LPP: variants seen among roughly 807,000 people sequenced by gnomAD.
LPP encodes the protein LIM domain containing preferred translocation partner in lipoma.
In LPP, 38 loss-of-function variants were observed where a neutral mutation model predicts 60.4. The ratio of observed to expected loss-of-function variants is 0.63; its 90% CI spans 0.49 to 0.83. The LOEUF (loss-of-function observed/expected upper bound fraction) is 0.83. LPP is among the 40% of genes least tolerant of loss of function. The pLI, the probability that LPP is intolerant of heterozygous loss-of-function variation, is 0.00. For synonymous variants in LPP, 328 were observed against 290.8 expected (o/e 1.13, Z -1.30); for missense variants, 902 against 783.6 (o/e 1.15, Z -1.80).
intron 7 of LPP, among the ~76,000 whole-genome samples, chr3:188,667,591 T>G (rs1856078019): frequency 6.6e-6 from 1 of 151,226 alleles, no homozygotes. Context: ...ATGTGGGAAC[T>G]GTGGCTTAGA....
chr3:188,313,966 A>G (rs1754301466), intron 2 of LPP, among the ~76,000 whole-genome samples: 1 of 151,864 alleles, frequency 6.6e-6, no homozygotes. Context: ...CAGTACATTG[A>G]TTTTCTGCTC....
At chr3:188,581,371 C>T (rs2150983231) in intron 6 of LPP, among the ~76,000 whole-genome samples, 1 of 152,258 alleles carries the variant, frequency 6.6e-6, no homozygotes, top group South Asian at 2.1e-4. Flanking sequence ...GCCCTGGAAA[C>T]AGAACCACAG....
chr3:188,559,427 T>C (rs1190517365), intron 6 of LPP, among the ~76,000 whole-genome samples: 1 of 152,088 alleles, frequency 6.6e-6, no homozygotes, highest in African/African-American at 2.4e-5. Context: ...AGAAACACTT[T>C]GCACATTATG....
At chr3:188,833,246 C>T (rs1757544555) in intron 9 of LPP, among the ~76,000 whole-genome samples, 1 of 152,146 alleles carries the variant, frequency 6.6e-6, no homozygotes, top group African/African-American at 2.4e-5. Context: ...GGAGACCAGC[C>T]CCAGTTTGGA....
At chr3:188,376,680 T>G (rs145390059) in intron 3 of LPP, among the ~76,000 whole-genome samples, 293 of 152,346 alleles carry the variant, frequency 1.9e-3, no homozygotes, top group African/African-American at 6.8e-3. Context: ...CTGTGTCTTT[T>G]AGTTGGAGCA....
chr3:188,638,913 T>A (rs906112934), intron 7 of LPP, among the ~76,000 whole-genome samples: 42 of 152,104 alleles, frequency 2.8e-4, no homozygotes, highest in African/African-American at 9.7e-4. Flanking sequence ...ATAAGAAGAA[T>A]CAATATTGTG....
In LPP at chr3:188,881,463, T is replaced by C. The variant is rs1770011333; in HGVS notation, c.*6984T>C. 2 of 210,018 alleles carry C rather than the reference T, an allele frequency of 9.5e-6. No homozygotes were observed. The highest frequency in any genetic ancestry group is 1.9e-5 in the Non-Finnish European group (2 of 103,102). The allele number at this position is 210,018 out of a possible 1,614,324, so 13.0% of individuals were successfully genotyped here. ...CAGTGTACTCAGTGAAACTTGGCAG[T>C]TCACCATGAGTCAGGCTAGGTTGAA... On this transcript the variant is annotated 3_prime_UTR_variant, in exon 12 of 12. Transcript: ENST00000617246.
intron 4 of LPP, among the ~76,000 whole-genome samples, chr3:188,463,636 TTA>T (rs1799668793): frequency 6.6e-6 from 1 of 152,196 alleles, no homozygotes; most frequent in Non-Finnish European, 1.5e-5. Context: ...CTGCATAATA[TTA>T]ATAAACTTAA....
chr3:188,853,853 A>G (rs1322644879), intron 9 of LPP, among the ~76,000 whole-genome samples: 1 of 148,608 alleles, frequency 6.7e-6, no homozygotes, highest in East Asian at 2.0e-4. Flanking sequence ...CTTTTCTTTT[A>G]CTCACCACAA....
chr3:188,632,099 A>G, intron 7 of LPP, among the ~76,000 whole-genome samples: 1 of 152,152 alleles, frequency 6.6e-6, no homozygotes, highest in East Asian at 1.9e-4. Flanking sequence ...TACTCTGGAT[A>G]CTTCCTCAGA....
chr3:188,274,358 C>G (rs1189612687), intron 2 of LPP, among the ~76,000 whole-genome samples: 1 of 152,198 alleles, frequency 6.6e-6, no homozygotes, highest in African/African-American at 2.4e-5. Context: ...AAAGTCCTGT[C>G]AAATAGTCCC....
chr3:188,396,038 G>A (rs551435407), intron 3 of LPP, among the ~76,000 whole-genome samples: 4 of 152,268 alleles, frequency 2.6e-5, no homozygotes, highest in African/African-American at 9.6e-5. Context: ...AAACAACACA[G>A]TTGACAGTTT....
chr3:188,582,424 A>G (rs922500485), intron 6 of LPP, among the ~76,000 whole-genome samples: 3 of 150,874 alleles, frequency 2.0e-5, no homozygotes, highest in Admixed American at 6.6e-5. Context: ...CAACTGATCC[A>G]CCCACCTCGG....
chr3:188,345,495 G>T (rs1764092295), intron 3 of LPP, among the ~76,000 whole-genome samples: 1 of 151,786 alleles, frequency 6.6e-6, no homozygotes, highest in South Asian at 2.1e-4. Context: ...CACATTGTTG[G>T]GGAACATTAA....
intron 2 of LPP, among the ~76,000 whole-genome samples, chr3:188,287,451 A>G (rs958240391): frequency 4.6e-5 from 7 of 152,186 alleles, no homozygotes; most frequent in Admixed American, 2.0e-4. Flanking sequence ...TGGATTCTCA[A>G]TTCCCTGCTC....
At chr3:188,240,571 T>G (rs1417403586) in intron 2 of LPP, among the ~76,000 whole-genome samples, 1 of 152,198 alleles carries the variant, frequency 6.6e-6, no homozygotes, top group Non-Finnish European at 1.5e-5. Flanking sequence ...TTATTCAAAC[T>G]CATTCCACTG....
chr3:188,355,931 G>A (rs1208259063), intron 3 of LPP, among the ~76,000 whole-genome samples: 2 of 152,104 alleles, frequency 1.3e-5, no homozygotes, highest in Admixed American at 6.5e-5. Flanking sequence ...ACACAAAGGC[G>A]GCTATGTTTT....
intron 9 of LPP, among the ~76,000 whole-genome samples, chr3:188,777,365 C>G (rs1323840887): frequency 6.6e-6 from 1 of 151,576 alleles, no homozygotes; most frequent in Non-Finnish European, 1.5e-5. Context: ...TCCATCCAAT[C>G]AATATTTACT....
chr3:188,694,505 C>A (rs1862786234), intron 7 of LPP, among the ~76,000 whole-genome samples: 1 of 151,746 alleles, frequency 6.6e-6, no homozygotes, highest in Non-Finnish European at 1.5e-5. Context: ...GAGTTGGAGA[C>A]CATCCTGACC....
Sources: allele counts gnomAD v4.1 joint callset (sites outside exome capture counted in the v4.1 genomes callset), GRCh38; gene constraint gnomAD v4.1.1; transcripts MANE v1.5; gene names NCBI Gene and HGNC (gene_info 2026-07-23, HGNC 2026-07-21).